Variants in PTPRR observed in about 807,000 individuals in gnomAD.
The protein encoded by PTPRR is protein tyrosine phosphatase receptor type R.
Under a neutral mutation model 77.2 loss-of-function variants are expected in PTPRR, and 38 were observed. That is an observed-to-expected ratio of 0.49 (90% CI 0.38 to 0.65). The LOEUF is 0.65. PTPRR is among the 30% of genes least tolerant of loss of function. PTPRR has a pLI of 0.00. For missense variants in PTPRR, 744 were observed against 799.2 expected (o/e 0.93, Z 0.83); for synonymous variants, 299 against 283.1 (o/e 1.06, Z -0.57).
At chr12:70,747,052 T>C (rs1283468069) in intron 5 of PTPRR, among the ~76,000 whole-genome samples, 1 of 152,156 alleles carries the variant, frequency 6.6e-6, no homozygotes, top group Non-Finnish European at 1.5e-5. Context: ...AAGTAAAAGG[T>C]CTTCTTACCT....
At chr12:70,915,123 T>G (rs559983941) in intron 1 of PTPRR, among the ~76,000 whole-genome samples, 1 of 152,080 alleles carries the variant, frequency 6.6e-6, no homozygotes, top group Admixed American at 6.5e-5. Flanking sequence ...AGAGGGAAGC[T>G]AGGAAGTAAT....
intron 2 of PTPRR, among the ~76,000 whole-genome samples, chr12:70,769,024 G>C (rs373841266): frequency 0.31 from 39,376 of 127,764 alleles, 7,993 homozygotes; most frequent in African/African-American, 0.58. Context: ...ATAATAAGAG[G>C]TATCTATGAC....
chr12:70,788,714 A>G (rs866579766), intron 2 of PTPRR: 8 of 834,152 alleles, frequency 9.6e-6, no homozygotes, highest in Middle Eastern at 4.4e-4. Flanking sequence ...TCATTTTTCT[A>G]CATTTACATG....
At chr12:70,708,303 A>G (rs1565658394) in intron 6 of PTPRR, among the ~76,000 whole-genome samples, 1 of 152,086 alleles carries the variant, frequency 6.6e-6, no homozygotes, top group Admixed American at 6.6e-5. Context: ...TGCTATATGT[A>G]ATTACTGTGC....
chr12:70,696,284 T>C (rs953077883), intron 8 of PTPRR, among the ~76,000 whole-genome samples: 1 of 152,120 alleles, frequency 6.6e-6, no homozygotes, highest in African/African-American at 2.4e-5. Flanking sequence ...GCACTGAGCA[T>C]AATTACCATT....
chr12:70,750,152 A>AT (rs369372628), intron 5 of PTPRR, among the ~76,000 whole-genome samples: 165 of 149,358 alleles, frequency 1.1e-3, no homozygotes, highest in South Asian at 2.8e-3. Flanking sequence ...GCCTGGCAAC[A>AT]TTTTTTTTTT....
Position 70,698,381 on chromosome 12 carries a change from T to C in PTPRR, c.1195-32A>G, listed in dbSNP as rs539245825. The C allele has an allele frequency of 3.2e-6, 5 of 1,560,422 alleles. No homozygotes were observed. In the East Asian group the frequency reaches 1.1e-4, roughly 35 times the overall value. The stretch of plus-strand genomic sequence containing the variant: ...AAATAAATAATATCAAATTAGTGTA[T>C]CTAATACTGCCACAAAGAAAATCTT... On this transcript the variant is annotated intron_variant, in intron 7 of 13. Coordinates refer to ENST00000283228, the MANE Select transcript of PTPRR (RefSeq NM_002849.4).
chr12:70,898,500 TTACA>T (rs1893474749), intron 1 of PTPRR, among the ~76,000 whole-genome samples: 1 of 148,612 alleles, frequency 6.7e-6, no homozygotes, highest in Non-Finnish European at 1.5e-5. Flanking sequence ...ATATTACATA[TTACA>T]TATTCAATAA....
intron 2 of PTPRR, among the ~76,000 whole-genome samples, chr12:70,830,470 G>T (rs146721375): frequency 2.4e-3 from 361 of 152,310 alleles, no homozygotes; most frequent in Non-Finnish European, 3.8e-3. Context: ...TAAAGCTCCT[G>T]CCTGGAAATG....
At chr12:70,918,516 G>A (rs1893807325) in intron 1 of PTPRR, among the ~76,000 whole-genome samples, 1 of 152,072 alleles carries the variant, frequency 6.6e-6, no homozygotes, top group Non-Finnish European at 1.5e-5. Flanking sequence ...AGAACTCCAG[G>A]TAAAATCTAG....
intron 2 of PTPRR, among the ~76,000 whole-genome samples, chr12:70,834,215 A>G (rs1351216488): frequency 6.6e-6 from 1 of 152,150 alleles, no homozygotes; most frequent in Non-Finnish European, 1.5e-5. Context: ...TGCTTATGTA[A>G]TCTTTAAAAA....
intron 6 of PTPRR, among the ~76,000 whole-genome samples, chr12:70,724,471 G>A (rs933209113): frequency 8.5e-5 from 13 of 152,270 alleles, no homozygotes; most frequent in African/African-American, 2.9e-4. Flanking sequence ...GCTTGATAAC[G>A]TAATAAATGC....
At chr12:70,819,720 A>T (rs1293925164) in intron 2 of PTPRR, among the ~76,000 whole-genome samples, 1 of 152,264 alleles carries the variant, frequency 6.6e-6, no homozygotes, top group Non-Finnish European at 1.5e-5. Context: ...TGGAAGGAAC[A>T]GAATACAGAG....
chr12:70,828,818 G>C (rs1003213194), intron 2 of PTPRR, among the ~76,000 whole-genome samples: 2 of 152,268 alleles, frequency 1.3e-5, no homozygotes, highest in Non-Finnish European at 2.9e-5. Context: ...TGATAGTGTC[G>C]TGTGACTAAA....
intron 2 of PTPRR, among the ~76,000 whole-genome samples, chr12:70,823,625 T>TA (rs1360194305): frequency 6.6e-6 from 1 of 152,224 alleles, no homozygotes; most frequent in Non-Finnish European, 1.5e-5. Context: ...CTCCCTTCCT[T>TA]ACAGTTCCTG....
chr12:70,867,605 T>C (rs1892878028), intron 2 of PTPRR, among the ~76,000 whole-genome samples: 1 of 151,468 alleles, frequency 6.6e-6, no homozygotes, highest in African/African-American at 2.4e-5. Context: ...AAAATGGCCA[T>C]ACTGCCCAAG....
chr12:70,872,398 C>A (rs7314399), intron 2 of PTPRR, among the ~76,000 whole-genome samples: 1 of 151,634 alleles, frequency 6.6e-6, no homozygotes, highest in Admixed American at 6.6e-5. Context: ...TGCTTGTTTA[C>A]AGAATCCACC....
intron 2 of PTPRR, among the ~76,000 whole-genome samples, chr12:70,865,324 C>T (rs1399567480): frequency 1.0e-5 from 1 of 97,920 alleles, no homozygotes; most frequent in African/African-American, 2.7e-5. Context: ...CAGACTAATA[C>T]AGATGAAGAA....
At chr12:70,677,318 G>T (rs1231839837) in intron 10 of PTPRR, among the ~76,000 whole-genome samples, 1 of 152,074 alleles carries the variant, frequency 6.6e-6, no homozygotes, top group African/African-American at 2.4e-5. Context: ...AAGTTTTGGT[G>T]CAGTCTTTAG....
Sources: allele counts gnomAD v4.1 joint callset (sites outside exome capture counted in the v4.1 genomes callset), GRCh38; gene constraint gnomAD v4.1.1; transcripts MANE v1.5; gene names NCBI Gene and HGNC (gene_info 2026-07-23, HGNC 2026-07-21).